Variants in SNTA1 observed in about 807,000 individuals in gnomAD.
SNTA1 encodes the protein alpha-1-syntrophin.
A neutral mutation model predicts 47.1 loss-of-function variants in SNTA1; 31 were observed. The observed-to-expected ratio is 0.66, with a 90% confidence interval of 0.49 to 0.89. The LOEUF (loss-of-function observed/expected upper bound fraction) is 0.89. SNTA1 is among the 40% of genes least tolerant of loss of function. SNTA1 has a pLI of 0.00. For synonymous variants in SNTA1, 300 were observed against 313.6 expected (o/e 0.96, Z 0.46); for missense variants, 575 against 693.0 (o/e 0.83, Z 1.91).
chr20:33,428,244 CAA>C (rs1232042062), intron 2 of SNTA1, among the ~76,000 whole-genome samples: 2 of 151,890 alleles, frequency 1.3e-5, no homozygotes, highest in Non-Finnish European at 2.9e-5. Flanking sequence ...CCCATCTCCA[CAA>C]AAAGCACAAA....
chr20:33,412,108 T>A (rs1440835791), intron 5 of SNTA1, among the ~76,000 whole-genome samples, 188 bp downstream of exon 5: 1 of 152,198 alleles, frequency 6.6e-6, no homozygotes, highest in African/African-American at 2.4e-5. Flanking sequence ...GGGGACCTTA[T>A]ATCCTTTTGT....
rs891626566 is a variant in SNTA1 at position 33,443,693 on chromosome 20, C to CAGGGCAG, written c.-80_-74dup. The CAGGGCAG allele has an allele frequency of 2.0e-6, 2 of 1,004,774 alleles. No individual in the cohort carries two copies. The highest frequency in any genetic ancestry group is 1.7e-5 in the African/African-American group (1 of 58,278). The allele number at this position is 1,004,774 out of a possible 1,614,324, so 62.2% of individuals were successfully genotyped here. On this transcript the variant is annotated 5_prime_UTR_variant, in exon 1 of 8. Coordinates refer to ENST00000217381, the MANE Select transcript of SNTA1 (RefSeq NM_003098.3). ...GCCCAGCCCGCTCCGACCAAGCGCC[C>CAGGGCAG]AGGGCAGAGGGCAGCGGGGGCCCGG...
rs147987965 is a variant in SNTA1 at position 33,438,293 on chromosome 20, C to G, written c.496+548G>C. Among the ~76,000 whole-genome samples the G allele has an allele frequency of 6.8e-3, 1,033 of 151,840 alleles. 9 individuals carry two copies. The highest frequency in any genetic ancestry group is 0.058 in the Middle Eastern group (17 of 294). ...CCAGCCTGGACAACAGAGCAAGATT[C>G]CATCTCAAAAAAAAAATAAAGTAAA... On this transcript the variant is annotated intron_variant, in intron 2 of 7. Coordinates refer to ENST00000217381, the MANE Select transcript of SNTA1 (RefSeq NM_003098.3).
chr20:33,426,827 C>T lies in SNTA1; in HGVS notation c.497-8904G>A, dbSNP rs1990182202. ...CACACCTGTGAGCACTTTGGGAGTT[C>T]AAGGCAGGACGATCGCTTGAGCCCA... On this transcript the variant is annotated intron_variant, in intron 2 of 7. Coordinates refer to ENST00000217381, the MANE Select transcript of SNTA1 (RefSeq NM_003098.3). Among the ~76,000 whole-genome samples the T allele has an allele frequency of 2.6e-5, 4 of 152,016 alleles. No homozygotes were observed. In the South Asian group the frequency reaches 8.3e-4, roughly 32 times the overall value.
intron 2 of SNTA1, among the ~76,000 whole-genome samples, chr20:33,435,935 G>A (rs2220054): frequency 0.028 from 4,200 of 152,048 alleles, 265 homozygotes; most frequent in Admixed American, 0.15. Context: ...TGGCTCACGC[G>A]TGTAATCCCA....
intron 1 of SNTA1, among the ~76,000 whole-genome samples, chr20:33,440,783 A>T (rs1331225907): frequency 6.6e-6 from 1 of 152,218 alleles, no homozygotes; most frequent in East Asian, 1.9e-4. Flanking sequence ...GCACCACTGC[A>T]CTCCACCCTG....
intron 3 of SNTA1, among the ~76,000 whole-genome samples, chr20:33,415,783 A>G (rs1320866441): frequency 7.0e-6 from 1 of 142,796 alleles, no homozygotes; most frequent in Non-Finnish European, 1.5e-5. Flanking sequence ...AACAGAGAAG[A>G]CTCTGTCCCA....
Position 33,410,161 on chromosome 20 carries a change from G to A in SNTA1, c.1211C>T (p.Ala404Val). ...TGTAGACACCTCCTGCACACCCTCGGCGGCCCGGTGACAGCCATCCACAAG... is the reference window on the plus strand; with the variant it reads ...TGTAGACACCTCCTGCACACCCTCGACGGCCCGGTGACAGCCATCCACAAG... ...RQLVDGCHRA[A>V]EGVQEVSTAC... The change falls in exon 6 of 8, where the codon GCC (alanine) becomes GTC (valine). Residue 404 changes from alanine (A) to valine (V), a missense_variant. Ala to Val is a moderately conservative substitution (Grantham distance 64). Transcript: ENST00000217381. The A allele has an allele frequency of 6.2e-7, 1 of 1,614,168 alleles. No homozygotes were observed. Among genetic ancestry groups the A allele is most frequent in the South Asian group, 1.1e-5 (1 of 91,082 alleles).
chr20:33,427,062 CAA>C (rs914615779), intron 2 of SNTA1, among the ~76,000 whole-genome samples: 33 of 61,042 alleles, frequency 5.4e-4, no homozygotes, highest in Non-Finnish European at 8.7e-4. Flanking sequence ...AACCCTGTCT[CAA>C]AAAAAAAAAA....
chr20:33,411,018 G>A (rs890207971), intron 5 of SNTA1, among the ~76,000 whole-genome samples: 15 of 152,070 alleles, frequency 9.9e-5, no homozygotes, highest in African/African-American at 3.6e-4. Context: ...AGGAGACATG[G>A]GGGACAAGGA....
Position 33,410,657 on chromosome 20 carries a change from T to C in SNTA1, c.1041-326A>G, listed in dbSNP as rs1387496276. Among the ~76,000 whole-genome samples, 98 of 152,192 alleles carry C rather than the reference T, an allele frequency of 6.4e-4. 1 individual carries two copies. The highest frequency in any genetic ancestry group is 7.3e-5 in the Non-Finnish European group (5 of 68,032). On this transcript the variant is annotated intron_variant, in intron 5 of 7. Transcript: ENST00000217381. ...CTCCCTCACTTCCTTCAGATGTTAG[T>C]TTAAATGTCACCTCCTCTGAGAAGC...
At chr20:33,416,094 C>T (rs111854363) in intron 3 of SNTA1, among the ~76,000 whole-genome samples, 95 of 152,240 alleles carry the variant, frequency 6.2e-4, no homozygotes, top group African/African-American at 2.2e-3. Flanking sequence ...GGCAACAGAG[C>T]GATACTCCGT....
At chr20:33,409,025 A>G (rs1486693912) in intron 6 of SNTA1, 137 bp from the exon 7 acceptor site, 3 of 760,218 alleles carry the variant, frequency 3.9e-6, no homozygotes, top group Admixed American at 4.0e-5. Context: ...TCGTGGCACC[A>G]GTACACCCAC....
At chr20:33,412,114 T>C (rs930383795) in intron 5 of SNTA1, among the ~76,000 whole-genome samples, 182 bp downstream of exon 5, 1 of 152,208 alleles carries the variant, frequency 6.6e-6, no homozygotes, top group Non-Finnish European at 1.5e-5. Flanking sequence ...CTTATATCCT[T>C]TTGTTCCAAG....
intron 2 of SNTA1, among the ~76,000 whole-genome samples, chr20:33,424,059 A>ATT (rs1990100027): frequency 6.7e-6 from 1 of 149,576 alleles, no homozygotes; most frequent in Non-Finnish European, 1.5e-5. Flanking sequence ...TCACACCTGT[A>ATT]TTCCCAACAC....
chr20:33,438,104 T>C (rs146047574), intron 2 of SNTA1, among the ~76,000 whole-genome samples: 7,992 of 152,168 alleles, frequency 0.053, 712 homozygotes, highest in African/African-American at 0.18. Context: ...AGTTCAAGAC[T>C]AGCCTGGCCA....
At chr20:33,411,479 C>T (rs970107219) in intron 5 of SNTA1, among the ~76,000 whole-genome samples, 6 of 152,150 alleles carry the variant, frequency 3.9e-5, no homozygotes, top group Non-Finnish European at 7.3e-5. Flanking sequence ...CCCATCTGCT[C>T]CTGCCACCCA....
intron 2 of SNTA1, among the ~76,000 whole-genome samples, chr20:33,438,004 T>C (rs185473718): frequency 6.6e-6 from 1 of 152,298 alleles, no homozygotes; most frequent in East Asian, 1.9e-4. Flanking sequence ...TGTCCTACTC[T>C]ATAAAAGCCA....
Position 33,438,947 on chromosome 20 carries a change from A to G in SNTA1, c.390T>C (p.Phe130=), listed in dbSNP as rs2146808171. 1.2e-6 allele frequency: 2 copies of G among 1,614,088 alleles called. No individual in the cohort carries two copies. The highest frequency in any genetic ancestry group is 1.6e-4 in the Middle Eastern group (1 of 6,062). The change falls in exon 2 of 8, where the codon TTT becomes TTC. Residue 130 remains phenylalanine (F), a synonymous_variant. Coordinates refer to ENST00000217381, the MANE Select transcript of SNTA1 (RefSeq NM_003098.3). ...TCACAGACAGGATGGCATCCCCCAC[A>G]AAAAGGGCCTCTGTCTGGTCAGCTG... ...GLAADQTEAL[F]VGDAILSVNG... is the part of the protein sequence containing the mutation.
Sources: gnomAD v4.1 joint callset for allele counts (sites outside exome capture counted in the v4.1 genomes callset) on GRCh38, gnomAD v4.1.1 for gene constraint, MANE v1.5 for transcripts, NCBI Gene and HGNC (gene_info 2026-07-23, HGNC 2026-07-21) for gene names.